AASDH: variants seen among roughly 807,000 people sequenced by gnomAD.
AASDH encodes aminoadipate-semialdehyde dehydrogenase, also known as beta-alanine-activating enzyme.
AASDH carries 81 observed loss-of-function variants against 102.3 expected under a neutral mutation model. The observed-to-expected ratio is 0.79, with a 90% CI of 0.66 to 0.95. AASDH has a LOEUF of 0.95. Ranked by LOEUF, AASDH falls within the 40% of genes least tolerant of loss-of-function variation. The pLI is 0.00. For synonymous variants in AASDH, 398 were observed against 454.0 expected (o/e 0.88, Z 1.57); for missense variants, 1,203 against 1,266.2 (o/e 0.95, Z 0.76).
In AASDH at chr4:56,359,529, A is replaced by G. The variant is rs988165347; in HGVS notation, c.862-4106T>C. On this transcript the variant is annotated intron_variant, in intron 5 of 14. Coordinates refer to ENST00000205214, the MANE Select transcript of AASDH (RefSeq NM_181806.4). ...CTCGGCCCCCCAGAGTGCTGGGAGT[A>G]TAGGCGTGAGTCACCTCACCGTGCC... Among the ~76,000 whole-genome samples the G allele has an allele frequency of 8.2e-4, 125 of 152,040 alleles. 1 individual carries two copies. The highest frequency in any genetic ancestry group is 3.0e-3 in the African/African-American group (123 of 41,472).
chr4:56,344,544 A>C (rs1748097826), intron 12 of AASDH, among the ~76,000 whole-genome samples: 1 of 152,206 alleles, frequency 6.6e-6, no homozygotes, highest in East Asian at 1.9e-4. Context: ...AATATAAATG[A>C]ATTTCCACTT....
intron 4 of AASDH, among the ~76,000 whole-genome samples, chr4:56,375,831 C>G (rs1752273656): frequency 6.6e-6 from 1 of 152,008 alleles, no homozygotes; most frequent in Admixed American, 6.6e-5. Context: ...CTATCCTAAT[C>G]TTTTTGAGGC....
At chr4:56,378,564 TG>T (rs1752616804) in intron 3 of AASDH, 100 bp from the exon 4 acceptor site, 1 of 1,063,664 alleles carries the variant, frequency 9.4e-7, no homozygotes, top group Non-Finnish European at 1.3e-6. Context: ...TCAGTATCCT[TG>T]GGGGAATTGG....
In AASDH at chr4:56,378,409, T is replaced by C. The variant is rs752560189; in HGVS notation, c.407A>G (p.His136Arg). 6.8e-6 allele frequency: 11 copies of C among 1,613,172 alleles called. No individual in the cohort carries two copies. Among genetic ancestry groups the C allele is most frequent in the Non-Finnish European group, 8.5e-6 (10 of 1,179,760 alleles). ...AAGTCTGAAGAGCACTAGGTCATTATGTTCCACTGTAAATGTATCATAGTT... is the reference window on the plus strand; with the variant it reads ...AAGTCTGAAGAGCACTAGGTCATTACGTTCCACTGTAAATGTATCATAGTT... ...LLNYDTFTVE[H>R]NDLVLFRLHW... Residue 136 changes from histidine to arginine, a missense_variant, in exon 4 of 15, where the codon CAT becomes CGT. His to Arg is a conservative substitution (Grantham distance 29). Coordinates refer to ENST00000205214, the MANE Select transcript of AASDH (RefSeq NM_181806.4).
intron 4 of AASDH, among the ~76,000 whole-genome samples, chr4:56,373,355 C>T (rs79493784): frequency 0.088 from 13,420 of 151,962 alleles, 743 homozygotes; most frequent in East Asian, 0.25. Context: ...GTTGATCAGG[C>T]CGGTCTCGAA....
At chr4:56,358,345 T>C (rs1749868175) in intron 5 of AASDH, among the ~76,000 whole-genome samples, 1 of 151,512 alleles carries the variant, frequency 6.6e-6, no homozygotes, top group Admixed American at 6.6e-5. Flanking sequence ...TTAGTTTTTT[T>C]CCTTCTTACC....
intron 5 of AASDH, chr4:56,356,490 A>G (rs1749655428): frequency 1.4e-6 from 2 of 1,404,272 alleles, no homozygotes; most frequent in Admixed American, 3.6e-5. Flanking sequence ...CTGGGCTGAG[A>G]AGAAAGCTGC....
chr4:56,345,933 G>A (rs1038980050), intron 11 of AASDH, among the ~76,000 whole-genome samples: 1 of 152,150 alleles, frequency 6.6e-6, no homozygotes, highest in Admixed American at 6.5e-5. Flanking sequence ...TAAATTACTG[G>A]GGAAAAATTA....
Position 56,384,268 on chromosome 4 carries a change from G to A in AASDH, c.32C>T (p.Ala11Val). MTLQELVHKA[A>V]SCYMDRVAVC... ...AGCTACTCTGTCCATATAACAGGAG[G>A]CAGCCTTATGCACCAATTCCTGAAG... The change falls in exon 2 of 15, where the codon GCC becomes GTC. Residue 11 changes from alanine to valine, a missense_variant. Coordinates refer to ENST00000205214, the MANE Select transcript of AASDH (RefSeq NM_181806.4). 1 of 1,614,078 alleles carries A rather than the reference G, an allele frequency of 6.2e-7. No homozygotes were observed. Among genetic ancestry groups the A allele is most frequent in the Non-Finnish European group, 8.5e-7 (1 of 1,180,008 alleles).
intron 5 of AASDH, 102 bp from the exon 6 acceptor site, chr4:56,355,525 A>T: frequency 9.2e-7 from 1 of 1,084,084 alleles, no homozygotes; most frequent in Non-Finnish European, 1.3e-6. Context: ...GCCCACATGG[A>T]AATGAAGGCT....
At chr4:56,353,890 C>A in intron 8 of AASDH, 149 bp downstream of exon 8, 3 of 696,778 alleles carry the variant, frequency 4.3e-6, no homozygotes, top group South Asian at 5.5e-5. Flanking sequence ...ATAAGGGGCA[C>A]CCTGAATTAT....
At chr4:56,384,036 G>A (rs754575102) in intron 2 of AASDH, 34 bp downstream of exon 2, 1 of 1,547,196 alleles carries the variant, frequency 6.5e-7, no homozygotes, top group Admixed American at 1.7e-5. Flanking sequence ...TTAGCTTGGA[G>A]TAACATCAAA....
chr4:56,384,833 G>A (rs1753368567), intron 1 of AASDH, among the ~76,000 whole-genome samples: 1 of 152,166 alleles, frequency 6.6e-6, no homozygotes, highest in Non-Finnish European at 1.5e-5. Flanking sequence ...CAGCACTTCG[G>A]GAGGCCGAGG....
At chr4:56,347,863 G>A (rs1748497248) in intron 11 of AASDH, among the ~76,000 whole-genome samples, 1 of 152,116 alleles carries the variant, frequency 6.6e-6, no homozygotes, top group East Asian at 1.9e-4. Flanking sequence ...TTTAAAATAT[G>A]TCCAGGAGGC....
chr4:56,347,744 T>G (rs1007040762), intron 11 of AASDH, among the ~76,000 whole-genome samples: 1 of 151,924 alleles, frequency 6.6e-6, no homozygotes, highest in Non-Finnish European at 1.5e-5. Context: ...TCTACAAAAA[T>G]TACAAACATT....
chr4:56,374,429 A>G (rs1297827558), intron 4 of AASDH, among the ~76,000 whole-genome samples: 1 of 150,646 alleles, frequency 6.6e-6, no homozygotes, highest in Non-Finnish European at 1.5e-5. Flanking sequence ...ACCTTCTTGG[A>G]GCTTCCCTTA....
In AASDH at chr4:56,355,362, G is replaced by C; in HGVS notation, c.923C>G (p.Ala308Gly). ...SQLIKSTVLS[A>G]TTSLRVLALG... ...GGCTAATACTCGAAGAGAAGTAGTG[G>C]CTGACAAAACAGTTGACTTGATAAG... is the stretch of plus-strand genomic sequence containing the variant. The change falls in exon 6 of 15, where the codon GCC becomes GGC. Residue 308 changes from alanine (A) to glycine (G), a missense_variant. Physicochemically the swap from Ala to Gly is moderately conservative, Grantham distance 60 (BLOSUM62 0). Coordinates refer to ENST00000205214, the MANE Select transcript of AASDH (RefSeq NM_181806.4). 5.6e-6 allele frequency: 9 copies of C among 1,614,096 alleles called. No homozygotes were observed. Among genetic ancestry groups the C allele is most frequent in the Non-Finnish European group, 7.6e-6 (9 of 1,179,966 alleles).
intron 12 of AASDH, among the ~76,000 whole-genome samples, chr4:56,344,042 TATA>T (rs1748035092): frequency 6.6e-6 from 1 of 152,230 alleles, no homozygotes; most frequent in African/African-American, 2.4e-5. Context: ...ATGATTTAAA[TATA>T]ATTTTAATCC....
intron 5 of AASDH, 109 bp downstream of exon 5, chr4:56,371,342 C>A: frequency 1.8e-6 from 2 of 1,136,110 alleles, no homozygotes; most frequent in Non-Finnish European, 2.4e-6. Flanking sequence ...ATAATCTAAC[C>A]AGATTATATT....
Sources: allele counts gnomAD v4.1 joint callset (sites outside exome capture counted in the v4.1 genomes callset), GRCh38; gene constraint gnomAD v4.1.1; transcripts MANE v1.5; gene names NCBI Gene and HGNC (gene_info 2026-07-23, HGNC 2026-07-21).